The following RUFY2 variants were observed in gnomAD, a reference collection of about 807,000 sequenced individuals.
The protein encoded by RUFY2 is RUN and FYVE domain-containing protein 2.
Under a neutral mutation model 94.4 loss-of-function variants are expected in RUFY2, and 49 were observed. That is an observed-to-expected ratio of 0.52 (90% CI 0.41 to 0.66). The LOEUF (loss-of-function observed/expected upper bound fraction) is 0.66, where lower values mean the gene tolerates loss of function less well. Ranked by LOEUF, RUFY2 falls within the 30% of genes least tolerant of loss-of-function variation. The pLI is 0.00. For synonymous variants in RUFY2, 255 were observed against 235.7 expected, an observed-to-expected ratio of 1.08 and a Z score of -0.75; for missense variants, 541 against 692.8, an observed-to-expected ratio of 0.78 and a Z score of 2.46.
intron 10 of RUFY2, among the ~76,000 whole-genome samples, 169 bp from the exon 11 acceptor site, chr10:68,381,568 G>A (rs2049057097): frequency 6.6e-6 from 1 of 152,220 alleles, no homozygotes; most frequent in Non-Finnish European, 1.5e-5. Flanking sequence ...TGCAGGGCCA[G>A]GCGCAGTGGC....
rs1240557520 is a variant in RUFY2 at position 68,345,351 on chromosome 10, AT to A, written c.*416del. 5.6e-6 allele frequency: 2 copies of A among 354,910 alleles called. No homozygotes were observed. Among genetic ancestry groups the A allele is most frequent in the Non-Finnish European group, 1.0e-5 (2 of 199,956 alleles). The allele number at this position is 354,910 out of a possible 1,614,324, so 22.0% of individuals were successfully genotyped here. A position where few individuals can be genotyped will look rare whatever the true frequency, so the allele number is the denominator to read the frequency against. On this transcript the variant is annotated 3_prime_UTR_variant, in exon 18 of 18. Coordinates refer to ENST00000602465, the MANE Select transcript of RUFY2 (RefSeq NM_001330103.2). ...TAATGAAAATCTGTTGAATTAGAAT[AT>A]TAATAATTTTAAAAGTTTTATGCGT...
At chr10:68,345,951 A>T (rs1460687660) in intron 17 of RUFY2, 40 bp from the exon 18 acceptor site, 1 of 1,612,504 alleles carries the variant, frequency 6.2e-7, no homozygotes, top group Admixed American at 1.7e-5. Context: ...AACACTTTAA[A>T]TAAAATTAGC....
intron 1 of RUFY2, among the ~76,000 whole-genome samples, chr10:68,405,993 T>G (rs2051264755): frequency 6.6e-6 from 1 of 152,228 alleles, no homozygotes; most frequent in African/African-American, 2.4e-5. Context: ...ATTCTCAGTT[T>G]ACTTAGAAAT....
chr10:68,379,621 A>G, intron 11 of RUFY2, 100 bp from the exon 12 acceptor site: 1 of 759,764 alleles, frequency 1.3e-6, no homozygotes, highest in Non-Finnish European at 2.1e-6. Flanking sequence ...ATCACTATGC[A>G]GCCCAGGTTG....
At chr10:68,349,296 G>A (rs905554860) in intron 16 of RUFY2, among the ~76,000 whole-genome samples, 6 of 151,892 alleles carry the variant, frequency 4.0e-5, no homozygotes, top group Non-Finnish European at 8.8e-5. Flanking sequence ...CGGAAGGATC[G>A]CTTGAGCCCA....
intron 2 of RUFY2, among the ~76,000 whole-genome samples, chr10:68,403,149 T>A (rs550764445): frequency 6.7e-6 from 1 of 149,754 alleles, no homozygotes; most frequent in Non-Finnish European, 1.5e-5. Flanking sequence ...CCCAGCCACT[T>A]TTTTTTTTAA....
At chr10:68,357,116 C>T (rs572174533) in intron 15 of RUFY2, among the ~76,000 whole-genome samples, 161 of 151,786 alleles carry the variant, frequency 1.1e-3, no homozygotes, top group African/African-American at 3.6e-3. Context: ...TGCACTGAGC[C>T]GAGATCGTGC....
At chr10:68,396,963 G>A in intron 3 of RUFY2, 82 bp from the exon 4 acceptor site, 3 of 833,872 alleles carry the variant, frequency 3.6e-6, no homozygotes, top group African/African-American at 1.7e-5. Flanking sequence ...ACATTAACAA[G>A]GAAAAAGGGC....
At chr10:68,357,672 T>C (rs556566968) in intron 15 of RUFY2, among the ~76,000 whole-genome samples, 1 of 152,320 alleles carries the variant, frequency 6.6e-6, no homozygotes, top group Non-Finnish European at 1.5e-5. Flanking sequence ...GTATTTTAAA[T>C]GGAATAATTA....
At chr10:68,407,096 T>A (rs2051386628) in intron 1 of RUFY2, 90 bp downstream of exon 1, 5 of 1,506,982 alleles carry the variant, frequency 3.3e-6, no homozygotes, top group South Asian at 2.5e-5. Context: ...GGCCTCGGCG[T>A]CTCCCCCAGC....
At position 68,350,690 on chromosome 10, in the gene RUFY2, G is replaced by A. The variant is rs141377602; in HGVS notation, c.1600-4606C>T. Among the ~76,000 whole-genome samples the A allele has an allele frequency of 8.2e-3, 1,246 of 151,938 alleles. 17 individuals carry two copies. Among genetic ancestry groups the A allele is most frequent in the African/African-American group, 0.028 (1,162 of 41,498 alleles). On this transcript the variant is annotated intron_variant, in intron 16 of 17. Transcript: ENST00000602465. ...ATGTTCTATTATCATTAACCTAAGC[G>A]GAGGATACGCAGTGTTTTTTTGTTT...
chr10:68,388,850 A>AAAAAG (rs1156893083), intron 7 of RUFY2, among the ~76,000 whole-genome samples: 4 of 125,282 alleles, frequency 3.2e-5, no homozygotes, highest in Middle Eastern at 4.0e-3. Flanking sequence ...AAAAAAAAAA[A>AAAAAG]AAAAGAAAAG....
At chr10:68,389,315 G>T (rs138358689) in intron 7 of RUFY2, among the ~76,000 whole-genome samples, 2 of 152,128 alleles carry the variant, frequency 1.3e-5, no homozygotes, top group African/African-American at 4.8e-5. Context: ...GAACTGGGCC[G>T]GCCACGGTGG....
chr10:68,356,107 C>T (rs375918552), intron 15 of RUFY2, among the ~76,000 whole-genome samples: 62 of 152,142 alleles, frequency 4.1e-4, no homozygotes, highest in African/African-American at 1.5e-3. Flanking sequence ...CAGAGAGCTC[C>T]AACTGGGGGA....
chr10:68,369,568 T>C (rs1440927272), intron 13 of RUFY2, among the ~76,000 whole-genome samples: 1 of 151,504 alleles, frequency 6.6e-6, no homozygotes, highest in Non-Finnish European at 1.5e-5. Context: ...TCTGCCTTCA[T>C]GAATGAATTA....
chr10:68,382,847 T>G (rs889171161), intron 10 of RUFY2, among the ~76,000 whole-genome samples: 7 of 152,196 alleles, frequency 4.6e-5, no homozygotes, highest in Non-Finnish European at 8.8e-5. Flanking sequence ...TATAATTCAT[T>G]AAGCTGTATA....
At chr10:68,395,347 A>G (rs901637536) in intron 4 of RUFY2, among the ~76,000 whole-genome samples, 1 of 146,762 alleles carries the variant, frequency 6.8e-6, no homozygotes, top group Non-Finnish European at 1.5e-5. Flanking sequence ...CAAGAAAATA[A>G]AAAAAAAAAA....
At chr10:68,359,973 A>C (rs2047347089) in intron 15 of RUFY2, among the ~76,000 whole-genome samples, 2 of 152,088 alleles carry the variant, frequency 1.3e-5, no homozygotes, top group Admixed American at 6.5e-5. Flanking sequence ...CTACAGGCAC[A>C]TGCCACCACA....
intron 2 of RUFY2, among the ~76,000 whole-genome samples, chr10:68,404,440 A>G (rs1361444894): frequency 6.6e-6 from 1 of 152,246 alleles, no homozygotes; most frequent in Admixed American, 6.5e-5. Context: ...AAAAAATTAA[A>G]AAATCAAATA....
Sources: allele counts gnomAD v4.1 joint callset (sites outside exome capture counted in the v4.1 genomes callset), GRCh38; gene constraint gnomAD v4.1.1; transcripts MANE v1.5; gene names NCBI Gene and HGNC (gene_info 2026-07-23, HGNC 2026-07-21).